TACR3: variants seen among roughly 807,000 people sequenced by gnomAD.
TACR3 encodes tachykinin receptor 3.
Under a neutral mutation model 35.0 loss-of-function variants are expected in TACR3, and 34 were observed. The ratio of observed to expected loss-of-function variants is 0.97; its 90% CI spans 0.74 to 1.30. The LOEUF is 1.30. Among genes scored for constraint, TACR3 ranks in the 50% most tolerant of loss-of-function variants. The pLI, the probability that TACR3 is intolerant of heterozygous loss-of-function variation, is 0.00. For synonymous variants in TACR3, 233 were observed against 221.1 expected, an observed-to-expected ratio of 1.05 and a Z score of -0.48; for missense variants, 558 against 591.7, an observed-to-expected ratio of 0.94 and a Z score of 0.59.
At position 103,589,854 on chromosome 4, in the gene TACR3, A is replaced by G. The variant is rs776866236; in HGVS notation, c.1226T>C (p.Met409Thr). ...SMYTVTRMES[M>T]TVVFDPNDAD... The stretch of plus-strand genomic sequence containing the variant: ...ATCGTTGGGGTCAAACACGACTGTC[A>G]TGGACTCCATTCTGGTCACGGTGTA... Residue 409 changes from methionine (M) to threonine (T), a missense_variant, in exon 5 of 5, where the codon ATG becomes ACG. Coordinates refer to ENST00000304883, the MANE Select transcript of TACR3 (RefSeq NM_001059.3). 1.1e-5 allele frequency: 18 copies of G among 1,613,920 alleles called. No homozygotes were observed. The highest frequency in any genetic ancestry group is 2.7e-5 in the African/African-American group (2 of 75,008).
intron 3 of TACR3, among the ~76,000 whole-genome samples, chr4:103,646,857 A>C (rs934379130): frequency 3.3e-5 from 5 of 151,990 alleles, no homozygotes; most frequent in Non-Finnish European, 7.4e-5. Context: ...GCTAACTCTA[A>C]GAAGCATTAC....
chr4:103,606,136 G>C (rs1724356525), intron 3 of TACR3, among the ~76,000 whole-genome samples: 1 of 151,742 alleles, frequency 6.6e-6, no homozygotes, highest in South Asian at 2.1e-4. Context: ...GATAGTTGTA[G>C]ATATGTGGCA....
At chr4:103,683,015 G>A (rs1722135496) in intron 1 of TACR3, among the ~76,000 whole-genome samples, 1 of 152,088 alleles carries the variant, frequency 6.6e-6, no homozygotes, top group East Asian at 1.9e-4. Flanking sequence ...GCAAATCATA[G>A]GTCCAGTCTT....
chr4:103,713,638 A>C (rs1267756033), intron 1 of TACR3, among the ~76,000 whole-genome samples: 3 of 151,902 alleles, frequency 2.0e-5, no homozygotes, highest in African/African-American at 7.2e-5. Context: ...AATAATAAGG[A>C]AAAAAAAGAC....
At chr4:103,655,025 G>T (rs1234337209) in intron 3 of TACR3, among the ~76,000 whole-genome samples, 2 of 152,028 alleles carry the variant, frequency 1.3e-5, no homozygotes, top group African/African-American at 4.8e-5. Context: ...CTTTTTGAAA[G>T]AAAAATAAAA....
chr4:103,668,580 G>A (rs1295281114), intron 1 of TACR3, among the ~76,000 whole-genome samples: 1 of 151,890 alleles, frequency 6.6e-6, no homozygotes, highest in Non-Finnish European at 1.5e-5. Context: ...AGGTGTGGTG[G>A]CCCACACCTG....
chr4:103,632,333 C>T (rs1292412895), intron 3 of TACR3, among the ~76,000 whole-genome samples: 2 of 152,004 alleles, frequency 1.3e-5, no homozygotes, highest in East Asian at 3.9e-4. Flanking sequence ...GTACCTATAC[C>T]TCCTGGAATA....
At chr4:103,595,467 T>A (rs1723984512) in intron 3 of TACR3, among the ~76,000 whole-genome samples, 1 of 152,200 alleles carries the variant, frequency 6.6e-6, no homozygotes, top group African/African-American at 2.4e-5. Flanking sequence ...AGGATGGAAC[T>A]GCATGTCCTC....
chr4:103,710,272 G>C (rs1005080203), intron 1 of TACR3, among the ~76,000 whole-genome samples: 1 of 152,126 alleles, frequency 6.6e-6, no homozygotes, highest in East Asian at 1.9e-4. Context: ...GCACTCCTCA[G>C]CAAATATAAA....
intron 1 of TACR3, among the ~76,000 whole-genome samples, chr4:103,697,418 ATTTATTTAT>A (rs748226196): frequency 5.3e-5 from 8 of 149,874 alleles, no homozygotes; most frequent in Non-Finnish European, 1.0e-4. Context: ...TTATTTATTT[ATTTATTTAT>A]TTATTTATTT....
At chr4:103,688,963 G>C (rs918540268) in intron 1 of TACR3, among the ~76,000 whole-genome samples, 5 of 151,938 alleles carry the variant, frequency 3.3e-5, no homozygotes, top group African/African-American at 1.2e-4. Flanking sequence ...TGTTTATTGC[G>C]GCACTATTCA....
chr4:103,700,609 C>T (rs1474624408), intron 1 of TACR3, among the ~76,000 whole-genome samples: 3 of 152,128 alleles, frequency 2.0e-5, no homozygotes, highest in African/African-American at 7.2e-5. Context: ...TTACTGCTTA[C>T]AACATATTAT....
chr4:103,643,177 T>A (rs936224194), intron 3 of TACR3, among the ~76,000 whole-genome samples: 4 of 151,874 alleles, frequency 2.6e-5, no homozygotes, highest in African/African-American at 7.2e-5. Context: ...TAAACTTACA[T>A]AACTAGAATA....
intron 3 of TACR3, among the ~76,000 whole-genome samples, chr4:103,619,930 C>T (rs963626050): frequency 2.6e-5 from 4 of 151,918 alleles, no homozygotes; most frequent in Non-Finnish European, 4.4e-5. Context: ...AGAGTTTCTG[C>T]ACAGCAAACA....
chr4:103,711,074 C>T (rs1372107746), intron 1 of TACR3, among the ~76,000 whole-genome samples: 3 of 152,170 alleles, frequency 2.0e-5, no homozygotes, highest in South Asian at 2.1e-4. Flanking sequence ...CAAGGAGGAG[C>T]TGGTACCATT....
At chr4:103,693,515 C>A (rs1191816626) in intron 1 of TACR3, among the ~76,000 whole-genome samples, 1 of 152,046 alleles carries the variant, frequency 6.6e-6, no homozygotes, top group Non-Finnish European at 1.5e-5. Context: ...ATATGATTGC[C>A]TATTTTTAGG....
intron 1 of TACR3, among the ~76,000 whole-genome samples, chr4:103,711,012 AC>A (rs1392892222): frequency 6.6e-6 from 1 of 152,126 alleles, no homozygotes; most frequent in Admixed American, 6.5e-5. Flanking sequence ...TGCCTACCAA[AC>A]AAAAAAAGTC....
chr4:103,603,371 T>A (rs1473858524), intron 3 of TACR3, among the ~76,000 whole-genome samples: 1 of 152,226 alleles, frequency 6.6e-6, no homozygotes, highest in Non-Finnish European at 1.5e-5. Context: ...CGCCCTGCTT[T>A]GGCTCGTGCA....
rs150174776 is a variant in TACR3 at position 103,685,079 on chromosome 4, A to G, written c.549-26676T>C. Among the ~76,000 whole-genome samples the G allele has an allele frequency of 8.3e-4, 126 of 152,122 alleles. 1 individual carries two copies. Among genetic ancestry groups the G allele is most frequent in the South Asian group, 5.0e-3 (24 of 4,834 alleles). On this transcript the variant is annotated intron_variant, in intron 1 of 4. Coordinates refer to ENST00000304883, the MANE Select transcript of TACR3 (RefSeq NM_001059.3). The stretch of plus-strand genomic sequence containing the variant: ...GCGGAATAGGAAAAATAACTTTACA[A>G]AAGAAGACTGAAGTTGGGGGAATCA...
Sources: gnomAD v4.1 joint callset for allele counts (sites outside exome capture counted in the v4.1 genomes callset) on GRCh38, gnomAD v4.1.1 for gene constraint, MANE v1.5 for transcripts, NCBI Gene and HGNC (gene_info 2026-07-23, HGNC 2026-07-21) for gene names.